The following CXCL8 variants were observed in gnomAD, a reference collection of about 807,000 sequenced individuals.
CXCL8 encodes the protein interleukin-8.
Under a neutral mutation model 10.9 loss-of-function variants are expected in CXCL8, and 12 were observed. The ratio of observed to expected loss-of-function variants is 1.10; its 90% confidence interval spans 0.71 to 1.79. The LOEUF (loss-of-function observed/expected upper bound fraction) is 1.79. Ranked by LOEUF, CXCL8 falls within the 40% of genes most tolerant of loss-of-function variation. The pLI, the probability that CXCL8 is intolerant of heterozygous loss-of-function variation, is 0.00. For missense variants in CXCL8, 145 were observed against 113.4 expected (o/e 1.28, Z -1.26); for synonymous variants, 41 against 39.6 (o/e 1.03, Z -0.13).
At chr4:73,742,134 G>C in intron 3 of CXCL8, 102 bp downstream of exon 3, 2 of 624,022 alleles carry the variant, frequency 3.2e-6, no homozygotes, top group South Asian at 4.3e-5. Flanking sequence ...TCGTCATTAG[G>C]TATCTGCCTT....
chr4:73,742,466 A>G lies in CXCL8; in HGVS notation c.*2A>G. 6.9e-7 allele frequency: 1 copy of G among 1,454,164 alleles called. No individual in the cohort carries two copies. The highest frequency in any genetic ancestry group is 9.5e-7 in the Non-Finnish European group (1 of 1,049,398). The allele number at this position is 1,454,164 out of a possible 1,614,324, so 90.1% of individuals were successfully genotyped here. On this transcript the variant is annotated 3_prime_UTR_variant, in exon 4 of 4. Coordinates refer to ENST00000307407, the MANE Select transcript of CXCL8 (RefSeq NM_000584.4). ...TATTTTAGGGCTGAGAATTCATAAA[A>G]AAATTCATTCTCTGTGGTATCCAAG...
chr4:73,742,236 G>A (rs1020875203), intron 3 of CXCL8: 1 of 580,840 alleles, frequency 1.7e-6, no homozygotes, highest in Admixed American at 3.4e-5. Flanking sequence ...GAAATTCTGG[G>A]TTTAAGCTTG....
rs144469788 is a variant in CXCL8 at position 73,741,598 on chromosome 4, T to A, written c.121T>A (p.Ser41Thr). The stretch of plus-strand genomic sequence containing the variant: ...TAGATGTCAGTGCATAAAGACATAC[T>A]CCAAACCTTTCCACCCCAAATTTAT... ...ELRCQCIKTY[S>T]KPFHPKFIKE... Residue 41 changes from serine (S) to threonine (T), a missense_variant, in exon 2 of 4, where the codon TCC becomes ACC. Coordinates refer to ENST00000307407, the MANE Select transcript of CXCL8 (RefSeq NM_000584.4). 9.3e-6 allele frequency: 15 copies of A among 1,613,248 alleles called. No homozygotes were observed. Among genetic ancestry groups the A allele is most frequent in the Non-Finnish European group, 1.3e-5 (15 of 1,179,322 alleles).
intron 3 of CXCL8, 160 bp downstream of exon 3, chr4:73,742,192 T>C (rs1729193332): frequency 1.7e-6 from 1 of 597,376 alleles, no homozygotes; most frequent in Non-Finnish European, 3.0e-6. Flanking sequence ...TTTGTTGTAC[T>C]CATGACCAGA....
chr4:73,741,818 C>A, intron 2 of CXCL8, 131 bp from the exon 3 acceptor site: 2 of 1,051,940 alleles, frequency 1.9e-6, no homozygotes, highest in Non-Finnish European at 2.9e-6. Context: ...GTCTACATGA[C>A]ATTTAAATAT....
chr4:73,742,688 C>A lies in CXCL8; in HGVS notation c.*224C>A. On this transcript the variant is annotated 3_prime_UTR_variant, in exon 4 of 4. Transcript: ENST00000307407. The stretch of plus-strand genomic sequence containing the variant: ...TATGTAAAGTATTATTTATTTGAAT[C>A]TACAAAAAACAACAAATAATTTTTA... The A allele has an allele frequency of 2.7e-6, 1 of 368,140 alleles. No individual in the cohort carries two copies. The highest frequency in any genetic ancestry group is 5.1e-6 in the Non-Finnish European group (1 of 197,676). 22.8% of individuals were successfully genotyped at this position (368,140 alleles called of 1,614,324 possible).
chr4:73,742,452 T>C lies in CXCL8; in HGVS notation c.288T>C (p.Ala96=), dbSNP rs758964660. 4 of 1,435,028 alleles carry C rather than the reference T, an allele frequency of 2.8e-6. No individual in the cohort carries two copies. The highest frequency in any genetic ancestry group is 2.5e-5 in the South Asian group (2 of 81,360). The allele number at this position is 1,435,028 out of a possible 1,614,324, so 88.9% of individuals were successfully genotyped here. A position where few individuals can be genotyped will look rare whatever the true frequency, so the allele number is the denominator to read the frequency against. The change falls in exon 4 of 4, where the codon GCT becomes GCC. Residue 96 remains alanine (A), a synonymous_variant. Transcript: ENST00000307407. ...QRVVEKFLKR[A]ENS ...TATATTTTTAATTTTATTTTAGGGC[T>C]GAGAATTCATAAAAAAATTCATTCT...
rs111499831 is a variant in CXCL8 at position 73,742,479 on chromosome 4, T to G, written c.*15T>G. On this transcript the variant is annotated 3_prime_UTR_variant, in exon 4 of 4. Transcript: ENST00000307407. ...AGAATTCATAAAAAAATTCATTCTC[T>G]GTGGTATCCAAGAATCAGTGAAGAT... The G allele has an allele frequency of 6.9e-7, 1 of 1,443,494 alleles. No individual in the cohort carries two copies. Among genetic ancestry groups the G allele is most frequent in the East Asian group, 2.3e-5 (1 of 42,786 alleles). 89.4% of individuals were successfully genotyped at this position (1,443,494 alleles called of 1,614,324 possible).
Position 73,740,676 on chromosome 4 carries a change from C to G in CXCL8, c.18C>G (p.Ala6=), listed in dbSNP as rs1803205. MTSKL[A]VALLAAFLIS... Reference sequence around the variant, plus strand: ...GTGTAAACATGACTTCCAAGCTGGCCGTGGCTCTCTTGGCAGCCTTCCTGA... The same window carrying G: ...GTGTAAACATGACTTCCAAGCTGGCGGTGGCTCTCTTGGCAGCCTTCCTGA... Residue 6 remains alanine, a synonymous_variant, in exon 1 of 4, where the codon GCC becomes GCG. Coordinates refer to ENST00000307407, the MANE Select transcript of CXCL8 (RefSeq NM_000584.4). The G allele has an allele frequency of 1.2e-6, 2 of 1,613,594 alleles. No homozygotes were observed. The highest frequency in any genetic ancestry group is 8.5e-7 in the Non-Finnish European group (1 of 1,179,686).
At position 73,742,554 on chromosome 4, in the gene CXCL8, G is replaced by A. The variant is rs1729209977; in HGVS notation, c.*90G>A. Reference sequence around the variant, plus strand: ...ACTTCAACACTTCATGTATTGTGTGGGTCTGTTGTAGGGTTGCCAGATGCA... The same window carrying A: ...ACTTCAACACTTCATGTATTGTGTGAGTCTGTTGTAGGGTTGCCAGATGCA... On this transcript the variant is annotated 3_prime_UTR_variant, in exon 4 of 4. Transcript: ENST00000307407. The A allele has an allele frequency of 2.7e-6, 2 of 743,680 alleles. No individual in the cohort carries two copies. The highest frequency in any genetic ancestry group is 1.8e-5 in the African/African-American group (1 of 55,144). The allele number at this position is 743,680 out of a possible 1,614,324, so 46.1% of individuals were successfully genotyped here. A position where few individuals can be genotyped will look rare whatever the true frequency, so the allele number is the denominator to read the frequency against.
Position 73,741,623 on chromosome 4 carries a change from T to C in CXCL8, c.146T>C (p.Ile49Thr), listed in dbSNP as rs1422350043. 7 of 1,613,446 alleles carry C rather than the reference T, an allele frequency of 4.3e-6. No homozygotes were observed. The East Asian group carries it at 1.6e-4, about 36-fold the overall frequency. The change falls in exon 2 of 4, where the codon ATC (isoleucine) becomes ACC (threonine). Residue 49 changes from isoleucine to threonine, a missense_variant. By Grantham distance (89) the Ile-to-Thr change is moderately conservative. Transcript: ENST00000307407. Reference protein sequence around the residue: ...TYSKPFHPKFIKELRVIESGP... With the variant: ...TYSKPFHPKFTKELRVIESGP... ...TCCAAACCTTTCCACCCCAAATTTA[T>C]CAAAGAACTGAGAGTGATTGAGAGT...
chr4:73,741,065 C>T (rs561562326), intron 1 of CXCL8, among the ~76,000 whole-genome samples: 1 of 152,140 alleles, frequency 6.6e-6, no homozygotes, highest in East Asian at 1.9e-4. Context: ...TCAGACAATT[C>T]CACTCCTTGT....
intron 2 of CXCL8, 44 bp from the exon 3 acceptor site, chr4:73,741,905 G>T: frequency 7.0e-7 from 1 of 1,418,566 alleles, no homozygotes; most frequent in Non-Finnish European, 1.0e-6. Context: ...TGATTTGAAT[G>T]CAAAAACTAA....
Position 73,741,467 on chromosome 4 carries a change from G to A in CXCL8, c.65-75G>A. The A allele has an allele frequency of 2.9e-6, 4 of 1,387,730 alleles. 1 individual carries two copies. In the South Asian group the frequency reaches 3.8e-5, roughly 13 times the overall value. 86.0% of individuals were successfully genotyped at this position (1,387,730 alleles called of 1,614,324 possible). A position where few individuals can be genotyped will look rare whatever the true frequency, so the allele number is the denominator to read the frequency against. ...CCATAGTCTCCAAATAATCATATTG[G>A]AATTAGAAAGGAAGTAGCTGGCAGA... On this transcript the variant is annotated intron_variant, in intron 1 of 3. Coordinates refer to ENST00000307407, the MANE Select transcript of CXCL8 (RefSeq NM_000584.4).
At chr4:73,740,808 C>A in intron 1 of CXCL8, 86 bp downstream of exon 1, 2 of 1,044,870 alleles carry the variant, frequency 1.9e-6, no homozygotes, top group Non-Finnish European at 1.4e-6. Flanking sequence ...GCTTTGGTAA[C>A]AAACATCCTT....
rs2227546 is a variant in CXCL8 at position 73,743,270 on chromosome 4, G to T, written c.*806G>T. 9.2e-6 allele frequency: 2 copies of T among 216,774 alleles called. No individual in the cohort carries two copies. Among genetic ancestry groups the T allele is most frequent in the Admixed American group, 1.2e-4 (2 of 17,192 alleles). The allele number at this position is 216,774 out of a possible 1,614,324, so 13.4% of individuals were successfully genotyped here. A position where few individuals can be genotyped will look rare whatever the true frequency, so the allele number is the denominator to read the frequency against. On this transcript the variant is annotated 3_prime_UTR_variant, in exon 4 of 4. Transcript: ENST00000307407. ...GTTTTATTAGATAAATTTCAATCAG[G>T]GTTTTTAGATTAAACAAACAAACAA...
chr4:73,741,780 A>C (rs1578113851), intron 2 of CXCL8, 103 bp downstream of exon 2: 1 of 1,136,890 alleles, frequency 8.8e-7, no homozygotes, highest in East Asian at 2.6e-5. Context: ...TACAGTAGTA[A>C]ATGAAACAAA....
At chr4:73,741,308 A>G (rs1158356715) in intron 1 of CXCL8, among the ~76,000 whole-genome samples, 2 of 152,220 alleles carry the variant, frequency 1.3e-5, no homozygotes, top group Non-Finnish European at 2.9e-5. Context: ...ATATTGTACA[A>G]AAAGAACTCT....
In CXCL8 at chr4:73,741,592, A is replaced by G; in HGVS notation, c.115A>G (p.Thr39Ala). The change falls in exon 2 of 4, where the codon ACA (threonine) becomes GCA (alanine). Residue 39 changes from threonine (T) to alanine (A), a missense_variant. Physicochemically the swap from Thr to Ala is moderately conservative, Grantham distance 58. Transcript: ENST00000307407. ...AKELRCQCIKTYSKPFHPKFI... is the reference protein window; with the variant it reads ...AKELRCQCIKAYSKPFHPKFI... ...AGAACTTAGATGTCAGTGCATAAAG[A>G]CATACTCCAAACCTTTCCACCCCAA... 1 of 1,613,576 alleles carries G rather than the reference A, an allele frequency of 6.2e-7. No individual in the cohort carries two copies. Among genetic ancestry groups the G allele is most frequent in the East Asian group, 2.2e-5 (1 of 44,854 alleles).
Sources: allele counts gnomAD v4.1 joint callset (sites outside exome capture counted in the v4.1 genomes callset), GRCh38; gene constraint gnomAD v4.1.1; transcripts MANE v1.5; gene names NCBI Gene and HGNC (gene_info 2026-07-23, HGNC 2026-07-21).